The following MAGI2 variants were observed in gnomAD, a reference collection of about 807,000 sequenced individuals.
MAGI2 encodes membrane associated guanylate kinase, WW and PDZ domain containing 2.
In MAGI2, 35 loss-of-function variants were observed where a neutral mutation model predicts 133.3. That is an observed-to-expected ratio of 0.26 (90% CI 0.20 to 0.35). The LOEUF is 0.35. Among genes scored for constraint, MAGI2 ranks in the 10% least tolerant of loss-of-function variants. The probability of loss-of-function intolerance (pLI) is 1.00; values close to 1 mark genes in which losing one functional copy is unlikely to be tolerated. For missense variants in MAGI2, 1,636 were observed against 1,863.4 expected (o/e 0.88, Z 2.25); for synonymous variants, 729 against 710.6 (o/e 1.03, Z -0.41).
At chr7:78,447,079 T>C (rs948999249) in intron 6 of MAGI2, among the ~76,000 whole-genome samples, 1 of 152,074 alleles carries the variant, frequency 6.6e-6, no homozygotes, top group African/African-American at 2.4e-5. Flanking sequence ...GGAGAGACTA[T>C]CTGTATATTC....
chr7:78,553,232 A>G (rs117424408), intron 3 of MAGI2, among the ~76,000 whole-genome samples: 3 of 152,272 alleles, frequency 2.0e-5, no homozygotes, highest in South Asian at 2.1e-4. Context: ...ATTGTAATAT[A>G]CTTTGACTAC....
intron 1 of MAGI2, among the ~76,000 whole-genome samples, chr7:79,235,514 G>T (rs186332398): frequency 6.6e-6 from 1 of 151,968 alleles, no homozygotes; most frequent in African/African-American, 2.4e-5. Context: ...TTTTTTAAGC[G>T]GGTCTGAAAA....
chr7:78,772,659 G>T (rs976588645), intron 2 of MAGI2, among the ~76,000 whole-genome samples: 5 of 152,164 alleles, frequency 3.3e-5, no homozygotes, highest in Admixed American at 6.5e-5. Context: ...CACTGTTCTT[G>T]CTGGCTTTGT....
intron 2 of MAGI2, among the ~76,000 whole-genome samples, chr7:78,821,209 G>A (rs957813363): frequency 6.6e-6 from 1 of 152,012 alleles, no homozygotes; most frequent in Non-Finnish European, 1.5e-5. Flanking sequence ...AGTACTATGA[G>A]ATATGTTACG....
chr7:78,305,766 A>G (rs556779712), intron 9 of MAGI2, among the ~76,000 whole-genome samples: 1 of 152,232 alleles, frequency 6.6e-6, no homozygotes, highest in Non-Finnish European at 1.5e-5. Flanking sequence ...ATTTTTCTCT[A>G]TCTTTAAGCA....
chr7:78,542,097 T>C (rs1486751720), intron 3 of MAGI2, among the ~76,000 whole-genome samples: 2 of 152,232 alleles, frequency 1.3e-5, no homozygotes, highest in African/African-American at 4.8e-5. Context: ...TAAAACATTA[T>C]TTATGATACT....
chr7:79,073,301 T>A (rs1815162251), intron 1 of MAGI2, among the ~76,000 whole-genome samples: 1 of 152,130 alleles, frequency 6.6e-6, no homozygotes. Context: ...AATTTATATG[T>A]TGAAAAGGGG....
intron 1 of MAGI2, among the ~76,000 whole-genome samples, chr7:79,183,718 A>C (rs1826818622): frequency 6.6e-6 from 1 of 151,940 alleles, no homozygotes; most frequent in African/African-American, 2.4e-5. Context: ...AGTCAATTCC[A>C]AGAGACGGAA....
chr7:78,268,147 C>G (rs1230643733), intron 9 of MAGI2, among the ~76,000 whole-genome samples: 1 of 151,802 alleles, frequency 6.6e-6, no homozygotes, highest in Admixed American at 6.6e-5. Context: ...ATGAAAATTT[C>G]TTGCTTTTTA....
At chr7:78,188,756 A>T (rs1449196284) in intron 12 of MAGI2, among the ~76,000 whole-genome samples, 1 of 152,158 alleles carries the variant, frequency 6.6e-6, no homozygotes, top group Non-Finnish European at 1.5e-5. Flanking sequence ...ATGATCACCT[A>T]ATAGCTGCCT....
At chr7:79,008,960 C>T (rs1047630683) in intron 1 of MAGI2, 9 of 152,098 alleles carry the variant, frequency 5.9e-5, no homozygotes, top group African/African-American at 2.2e-4. Context: ...TCTCAGCTGT[C>T]ATTTCTGCCG....
chr7:78,740,994 G>A (rs1269528029), intron 2 of MAGI2, among the ~76,000 whole-genome samples: 2 of 152,076 alleles, frequency 1.3e-5, no homozygotes, highest in Non-Finnish European at 2.9e-5. Context: ...AATCAACATC[G>A]AAAAAAGTGT....
At chr7:78,810,754 A>G (rs1357207621) in intron 2 of MAGI2, among the ~76,000 whole-genome samples, 1 of 152,074 alleles carries the variant, frequency 6.6e-6, no homozygotes, top group Non-Finnish European at 1.5e-5. Flanking sequence ...TTATTTCTCT[A>G]CCAAAATGTG....
rs556694216 is a variant in MAGI2 at position 78,849,443 on chromosome 7, T to C, written c.418+157647A>G. Among the ~76,000 whole-genome samples, 14 of 152,090 alleles carry C rather than the reference T, an allele frequency of 9.2e-5. No individual in the cohort carries two copies. The South Asian group carries it at 1.2e-3, about 13-fold the overall frequency. Reference sequence around the variant, plus strand: ...TCACCAGTGTACTAAGCAAATCCACTAAGTAATTCCAGCAGAGTGAATGCC... The same window carrying C: ...TCACCAGTGTACTAAGCAAATCCACCAAGTAATTCCAGCAGAGTGAATGCC... On this transcript the variant is annotated intron_variant, in intron 2 of 21. Transcript: ENST00000354212.
At chr7:78,104,372 G>A (rs1465041828) in intron 20 of MAGI2, among the ~76,000 whole-genome samples, 4 of 151,794 alleles carry the variant, frequency 2.6e-5, no homozygotes, top group East Asian at 3.9e-4. Flanking sequence ...ACAGGCGCCC[G>A]CCACCACGCC....
At chr7:78,094,745 T>C (rs942105688) in intron 20 of MAGI2, among the ~76,000 whole-genome samples, 6 of 152,248 alleles carry the variant, frequency 3.9e-5, no homozygotes, top group African/African-American at 1.4e-4. Flanking sequence ...AGCTGTGCTG[T>C]TGACTCCTGC....
chr7:78,592,828 C>CTTTTTTTT, intron 3 of MAGI2, among the ~76,000 whole-genome samples: 1 of 106,872 alleles, frequency 9.4e-6, no homozygotes, highest in Non-Finnish European at 1.8e-5. Flanking sequence ...TACTGATTCT[C>CTTTTTTTT]TTTTTTTTTT....
chr7:78,303,607 T>G (rs1798026541), intron 9 of MAGI2, among the ~76,000 whole-genome samples: 1 of 152,166 alleles, frequency 6.6e-6, no homozygotes, highest in Non-Finnish European at 1.5e-5. Context: ...CAGCATCCTC[T>G]CCTATTACCT....
rs1821594331 is a variant in MAGI2 at position 78,733,821 on chromosome 7, AGTGAAGTGCAG to A, written c.419-106593_419-106583del. On this transcript the variant is annotated intron_variant, in intron 2 of 21. Coordinates refer to ENST00000354212, the MANE Select transcript of MAGI2 (RefSeq NM_012301.4). Reference sequence around the variant, plus strand: ...AGATCAATTTCTTACCACTAATATAAGTGAAGTGCAGGTATAAAGGAGCATTCTTAAAACAA... The same window carrying A: ...AGATCAATTTCTTACCACTAATATAAGTATAAAGGAGCATTCTTAAAACAA... 2.6e-5 allele frequency among the ~76,000 whole-genome samples: 4 copies of A among 152,324 alleles called. No individual in the cohort carries two copies. In the South Asian group the frequency reaches 8.3e-4, roughly 32 times the overall value.
Sources: allele counts gnomAD v4.1 joint callset (sites outside exome capture counted in the v4.1 genomes callset), GRCh38; gene constraint gnomAD v4.1.1; transcripts MANE v1.5; gene names NCBI Gene and HGNC (gene_info 2026-07-23, HGNC 2026-07-21).